Variants in HTT observed in about 807,000 individuals in gnomAD.
The protein encoded by HTT is huntington disease protein.
A neutral mutation model predicts 362.3 loss-of-function variants in HTT; 104 were observed. That is an observed-to-expected ratio of 0.29 (90% CI 0.24 to 0.34). The LOEUF (loss-of-function observed/expected upper bound fraction) is 0.34. Among genes scored for constraint, HTT ranks in the 10% least tolerant of loss-of-function variants. The pLI, the probability that HTT is intolerant of heterozygous loss-of-function variation, is 1.00. For synonymous variants in HTT, 1,577 were observed against 1,548.7 expected (o/e 1.02, Z -0.43); for missense variants, 3,301 against 3,928.6 (o/e 0.84, Z 4.27).
At chr4:3,147,707 G>A (rs1357046363) in intron 25 of HTT, among the ~76,000 whole-genome samples, 1 of 152,176 alleles carries the variant, frequency 6.6e-6, no homozygotes, top group Non-Finnish European at 1.5e-5. Context: ...GTAAGAGAAT[G>A]AAGGAGGCAG....
chr4:3,118,639 G>A (rs1268962110), intron 8 of HTT, among the ~76,000 whole-genome samples: 1 of 152,164 alleles, frequency 6.6e-6, no homozygotes, highest in Non-Finnish European at 1.5e-5. Flanking sequence ...TGCTGGTTAC[G>A]GAGGTTTCTA....
rs1712407862 is a variant in HTT at position 3,074,929 on chromosome 4, AGCAGCAACAGCCGCC to A, written c.105_119del (p.Gln36_Pro40del). 1 of 1,417,410 alleles carries A rather than the reference AGCAGCAACAGCCGCC, an allele frequency of 7.1e-7. No homozygotes were observed. Among genetic ancestry groups the A allele is most frequent in the East Asian group, 2.8e-5 (1 of 36,322 alleles). The allele number at this position is 1,417,410 out of a possible 1,614,324, so 87.8% of individuals were successfully genotyped here. A position where few individuals can be genotyped will look rare whatever the true frequency, so the allele number is the denominator to read the frequency against. On this transcript the variant is annotated inframe_deletion, in exon 1 of 67. Transcript: ENST00000355072. ...CAGCAGCAGCAGCAGCAGCAGCAGC[AGCAGCAACAGCCGCC>A]ACCGCCGCCGCCGCCGCCGCCGCCT...
chr4:3,136,473 GA>G (rs369081036), intron 21 of HTT, 147 bp downstream of exon 21: 31 of 414,236 alleles, frequency 7.5e-5, no homozygotes, highest in Admixed American at 8.6e-5. Flanking sequence ...AAACTATAAT[GA>G]AAAAAAAATC....
intron 1 of HTT, among the ~76,000 whole-genome samples, chr4:3,084,194 T>G (rs1051432678): frequency 2.3e-5 from 3 of 130,004 alleles, no homozygotes; most frequent in Admixed American, 1.9e-4. Context: ...TGGAAATGCT[T>G]TGTCTTTTTT....
chr4:3,127,657 G>C (rs991029826), intron 12 of HTT, 53 bp downstream of exon 12: 26 of 1,330,668 alleles, frequency 2.0e-5, no homozygotes, highest in Non-Finnish European at 2.5e-5. Flanking sequence ...ATTTGAGACA[G>C]AGTCTCACTC....
At chr4:3,122,839 C>T (rs765630284) in intron 9 of HTT, 50 bp from the exon 10 acceptor site, 1 of 1,459,348 alleles carries the variant, frequency 6.9e-7, no homozygotes, top group Non-Finnish European at 9.4e-7. Flanking sequence ...CACATTTCTT[C>T]TAGATTTTAT....
chr4:3,238,979 G>A lies in HTT; in HGVS notation c.9215+1G>A, dbSNP rs1410209895. ...CCACCAGCCCGTGGGTCGCGGCGAT[G>A]TATCCTCTCTGGGTCCCTGGTGCTG... On this transcript the variant is annotated splice_donor_variant, in intron 66 of 66. Transcript: ENST00000355072. LOFTEE classifies it high-confidence loss of function. 2 of 1,602,648 alleles carry A rather than the reference G, an allele frequency of 1.2e-6. No homozygotes were observed. The highest frequency in any genetic ancestry group is 1.7e-6 in the Non-Finnish European group (2 of 1,177,274).
At chr4:3,109,804 C>A (rs1714641113) in intron 6 of HTT, among the ~76,000 whole-genome samples, 1 of 152,060 alleles carries the variant, frequency 6.6e-6, no homozygotes, top group African/African-American at 2.4e-5. Flanking sequence ...TAGCTGGGTT[C>A]TCAGCACCCG....
intron 27 of HTT, among the ~76,000 whole-genome samples, chr4:3,156,182 C>T (rs554435299): frequency 1.4e-4 from 22 of 152,226 alleles, no homozygotes; most frequent in South Asian, 6.2e-4. Flanking sequence ...TACCATGGCA[C>T]GATCTCATCT....
rs528356726 is a variant in HTT at position 3,186,013 on chromosome 4, T to A, written c.4867-584T>A. On this transcript the variant is annotated intron_variant, in intron 37 of 66. Coordinates refer to ENST00000355072, the MANE Select transcript of HTT (RefSeq NM_001388492.1). ...GTTCAGCCAGTTGCCTTGGGAGTTCTCCATTGCACTGGGTTAAGTGAGAAG... is the reference window on the plus strand; with the variant it reads ...GTTCAGCCAGTTGCCTTGGGAGTTCACCATTGCACTGGGTTAAGTGAGAAG... Among the ~76,000 whole-genome samples the A allele has an allele frequency of 2.0e-5, 3 of 152,266 alleles. No individual in the cohort carries two copies. The East Asian group carries it at 5.8e-4, about 29-fold the overall frequency.
intron 2 of HTT, among the ~76,000 whole-genome samples, chr4:3,096,666 T>C (rs1423443845): frequency 6.6e-6 from 1 of 152,210 alleles, no homozygotes; most frequent in Non-Finnish European, 1.5e-5. Context: ...GATTGACTGA[T>C]ATAAAAACAA....
intron 40 of HTT, among the ~76,000 whole-genome samples, chr4:3,198,269 A>G (rs549496076): frequency 8.4e-6 from 1 of 119,350 alleles, no homozygotes; most frequent in South Asian, 2.8e-4. Flanking sequence ...TCCATTGCCC[A>G]GGCTAGAGTG....
intron 23 of HTT, among the ~76,000 whole-genome samples, chr4:3,144,552 G>A (rs1039804442): frequency 1.3e-5 from 2 of 152,060 alleles, no homozygotes; most frequent in African/African-American, 2.4e-5. Flanking sequence ...TCCTGACCTC[G>A]TGATCCACCC....
chr4:3,147,904 C>T, intron 25 of HTT, 101 bp from the exon 26 acceptor site: 1 of 877,646 alleles, frequency 1.1e-6, no homozygotes, highest in African/African-American at 1.7e-5. Context: ...AGATGTCTGG[C>T]CAACTCTCAA....
intron 59 of HTT, 68 bp from the exon 60 acceptor site, chr4:3,229,819 C>G: frequency 6.5e-7 from 1 of 1,533,544 alleles, no homozygotes; most frequent in South Asian, 1.1e-5. Flanking sequence ...TAGTAGCGTT[C>G]TGGATGCGTT....
At chr4:3,098,569 CTT>C (rs1443122224) in intron 2 of HTT, among the ~76,000 whole-genome samples, 1 of 152,202 alleles carries the variant, frequency 6.6e-6, no homozygotes, top group East Asian at 1.9e-4. Context: ...TTAGCTCTCT[CTT>C]GGCTTTGTTT....
In HTT at chr4:3,213,429, G is replaced by A. The variant is rs118066555; in HGVS notation, c.6775-529G>A. ...ATGCAGGATGAAATACTTTATATGC[G>A]TCATCTTATTTGACTCTCACAACCC... On this transcript the variant is annotated intron_variant, in intron 49 of 66. Transcript: ENST00000355072. Among the ~76,000 whole-genome samples the A allele has an allele frequency of 2.3e-3, 357 of 152,284 alleles. 2 individuals are homozygous for A. Among genetic ancestry groups the A allele is most frequent in the East Asian group, 0.018 (95 of 5,180 alleles).
intron 3 of HTT, among the ~76,000 whole-genome samples, chr4:3,102,755 G>A (rs1413692995): frequency 2.6e-5 from 4 of 152,258 alleles, no homozygotes; most frequent in Non-Finnish European, 4.4e-5. Flanking sequence ...ATGGGTGAGA[G>A]TGGGGCACCA....
chr4:3,183,588 C>T (rs1718624331), intron 37 of HTT, among the ~76,000 whole-genome samples: 3 of 152,202 alleles, frequency 2.0e-5, no homozygotes, highest in African/African-American at 7.2e-5. Flanking sequence ...ATTCTGATTT[C>T]ATAATGGAAT....
Sources: allele counts gnomAD v4.1 joint callset (sites outside exome capture counted in the v4.1 genomes callset), GRCh38; gene constraint gnomAD v4.1.1; transcripts MANE v1.5; gene names NCBI Gene and HGNC (gene_info 2026-07-23, HGNC 2026-07-21).